The following RXRB variants were observed in gnomAD, a reference collection of about 807,000 sequenced individuals.
RXRB encodes retinoid X receptor beta.
Under a neutral mutation model 52.5 loss-of-function variants are expected in RXRB, and 18 were observed. The ratio of observed to expected loss-of-function variants is 0.34; its 90% confidence interval spans 0.24 to 0.51. RXRB has a LOEUF of 0.51. RXRB is among the 20% of genes least tolerant of loss of function. The pLI is 0.97. For synonymous variants in RXRB, 233 were observed against 267.1 expected, an observed-to-expected ratio of 0.87 and a Z score of 1.25; for missense variants, 455 against 698.2, an observed-to-expected ratio of 0.65 and a Z score of 3.92.
Position 33,195,285 on chromosome 6 carries a change from G to A in RXRB, c.1348+78C>T. 1.1e-6 allele frequency: 1 copy of A among 951,640 alleles called. No individual in the cohort carries two copies. Among genetic ancestry groups the A allele is most frequent in the Non-Finnish European group, 1.7e-6 (1 of 580,286 alleles). 58.9% of individuals were successfully genotyped at this position (951,640 alleles called of 1,614,324 possible). ...AGGGTCTTACTGAGGGGGATAGCTG[G>A]GTAACTTAGGAGTCTCGGAGAAGAG... On this transcript the variant is annotated intron_variant, in intron 8 of 9. Coordinates refer to ENST00000374680, the MANE Select transcript of RXRB (RefSeq NM_021976.5). The surrounding 1 kb of genome is among the most constrained non-coding windows in gnomAD (Gnocchi z 8.6).
At position 33,196,626 on chromosome 6, in the gene RXRB, A is replaced by G; in HGVS notation, c.821-20T>C. ...GTACCGCTGCAGGGGGAAGGGGGAG[A>G]GAAAAAATGGAAAGTCAGCAGCCAG... is the stretch of plus-strand genomic sequence containing the variant. On this transcript the variant is annotated intron_variant, in intron 4 of 9. Transcript: ENST00000374680. This position sits in a 1 kb window ranked among gnomAD's most constrained non-coding sequence, Gnocchi z 4.0. 6.4e-7 allele frequency: 1 copy of G among 1,568,416 alleles called. No homozygotes were observed.
rs1199243810 is a variant in RXRB at position 33,194,638 on chromosome 6, TGTGTGCTCCTCCA to T, written c.*31_*43del. On this transcript the variant is annotated 3_prime_UTR_variant, in exon 10 of 10. Transcript: ENST00000374680. This position sits in a 1 kb window ranked among gnomAD's most constrained non-coding sequence, Gnocchi z 4.1. ...CCCAGGGCTTGGAGTCCCTCTTGGA[TGTGTGCTCCTCCA>T]GTGTGAGAAGCACCACGTCTGGGTC... is the stretch of plus-strand genomic sequence containing the variant. 1 of 1,598,716 alleles carries T rather than the reference TGTGTGCTCCTCCA, an allele frequency of 6.3e-7. No homozygotes were observed.
In RXRB at chr6:33,196,527, A is replaced by G. The variant is rs1773910163; in HGVS notation, c.900T>C (p.Pro300=). Residue 300 remains proline, a synonymous_variant, in exon 5 of 10, where the codon CCT becomes CCC. Transcript: ENST00000374680. The surrounding 1 kb of genome is among the most constrained non-coding windows in gnomAD (Gnocchi z 4.0). The stretch of plus-strand genomic sequence containing the variant: ...GCTCTGCCTCCAGGATCCTGTCCAC[A>G]GGCATCTCCTCGGGGGCTCCCCCAG... The part of the protein sequence containing the change: ...EGAGGAPEEM[P]VDRILEAELA... 1 of 1,612,776 alleles carries G rather than the reference A, an allele frequency of 6.2e-7. No homozygotes were observed. Among genetic ancestry groups the G allele is most frequent in the Admixed American group, 1.7e-5 (1 of 60,000 alleles).
At chr6:33,200,752 C>T, upstream of RXRB, 1 of 1,543,354 alleles carries the variant, frequency 6.5e-7, no homozygotes, top group South Asian at 1.2e-5. This position sits in a 1 kb window ranked among gnomAD's most constrained non-coding sequence, Gnocchi z 6.3. Flanking sequence ...CTCGCCCACC[C>T]TCCCCTCAAA....
At chr6:33,198,501 T>A in intron 2 of RXRB, 37 bp from the exon 3 acceptor site, 1 of 1,588,288 alleles carries the variant, frequency 6.3e-7, no homozygotes, top group Non-Finnish European at 8.6e-7. Context: ...CAGGAAGACT[T>A]ATTGGGAAGC....
Position 33,197,660 on chromosome 6 carries a change from G to A in RXRB, c.820+102C>T. 9.5e-7 allele frequency: 1 copy of A among 1,055,380 alleles called. No homozygotes were observed. The highest frequency in any genetic ancestry group is 1.4e-6 in the Non-Finnish European group (1 of 720,950). The allele number at this position is 1,055,380 out of a possible 1,614,324, so 65.4% of individuals were successfully genotyped here. On this transcript the variant is annotated intron_variant, in intron 4 of 9. Coordinates refer to ENST00000374680, the MANE Select transcript of RXRB (RefSeq NM_021976.5). This position sits in a 1 kb window ranked among gnomAD's most constrained non-coding sequence, Gnocchi z 4.4. ...GAGAGAAATCAAATATCGCCCTCTAGAGGAGAGAGAGCAGTCCACCCTTCC... is the reference window on the plus strand; with the variant it reads ...GAGAGAAATCAAATATCGCCCTCTAAAGGAGAGAGAGCAGTCCACCCTTCC...
rs1275692630 is a variant in RXRB, at chr6:33,200,134, A to C, written c.235+108T>G. The C allele has an allele frequency of 8.1e-6, 12 of 1,474,798 alleles. No individual in the cohort carries two copies. Among genetic ancestry groups the C allele is most frequent in the Non-Finnish European group, 1.1e-5 (12 of 1,069,574 alleles). 91.4% of individuals were successfully genotyped at this position (1,474,798 alleles called of 1,614,324 possible). ...CGGGAGGGAGGGGACGCGTGTTTACAAACAAGGGGGCGGGAGCGCAAGGAA... is the reference window on the plus strand; with the variant it reads ...CGGGAGGGAGGGGACGCGTGTTTACCAACAAGGGGGCGGGAGCGCAAGGAA... On this transcript the variant is annotated intron_variant, in intron 1 of 9. Transcript: ENST00000374680. This position sits in a 1 kb window ranked among gnomAD's most constrained non-coding sequence, Gnocchi z 6.3.
chr6:33,200,400 T>C lies in RXRB; in HGVS notation c.77A>G (p.Lys26Arg). 4 of 1,567,854 alleles carry C rather than the reference T, an allele frequency of 2.6e-6. No individual in the cohort carries two copies. Among genetic ancestry groups the C allele is most frequent in the Non-Finnish European group, 3.5e-6 (4 of 1,158,374 alleles). Reference sequence around the variant, plus strand: ...GGACGCGACCCCACAATGCATTTCTTTTCGCACCCCCACCGGCCCACACTG... The same window carrying C: ...GGACGCGACCCCACAATGCATTTCTCTTCGCACCCCCACCGGCCCACACTG... Reference protein sequence around the residue: ...AGQCGPVGVRKEMHCGVASRW... With the variant: ...AGQCGPVGVRREMHCGVASRW... Residue 26 changes from lysine (K) to arginine (R), a missense_variant, in exon 1 of 10, where the codon AAA becomes AGA. Lys to Arg is a conservative substitution (Grantham distance 26, BLOSUM62 2). Transcript: ENST00000374680. The surrounding 1 kb of genome is among the most constrained non-coding windows in gnomAD (Gnocchi z 6.3).
chr6:33,200,821 C>T, upstream of RXRB: 2 of 1,517,254 alleles, frequency 1.3e-6, no homozygotes, highest in South Asian at 1.2e-5. This position sits in a 1 kb window ranked among gnomAD's most constrained non-coding sequence, Gnocchi z 6.3. Context: ...TACCGGAGTG[C>T]CGCCATATTG....
Position 33,195,059 on chromosome 6 carries a change from G to C in RXRB, c.1349-9C>G. On this transcript the variant is annotated splice_polypyrimidine_tract_variant and intron_variant, in intron 8 of 9. Coordinates refer to ENST00000374680, the MANE Select transcript of RXRB (RefSeq NM_021976.5). This position sits in a 1 kb window ranked among gnomAD's most constrained non-coding sequence, Gnocchi z 8.6. ...GGAGAGGCCCTTGGCATCTGGGATG[G>C]CAGGGAAGAGAGGAGGAAGAGAAAT... The C allele has an allele frequency of 6.4e-7, 1 of 1,574,388 alleles. No individual in the cohort carries two copies. The highest frequency in any genetic ancestry group is 8.7e-7 in the Non-Finnish European group (1 of 1,145,022).
intron 2 of RXRB, 119 bp downstream of exon 2, chr6:33,199,050 A>T: frequency 1.5e-6 from 1 of 664,162 alleles, no homozygotes; most frequent in Non-Finnish European, 2.2e-6. Flanking sequence ...CACAGGCCTG[A>T]CAAGGTTAGA....
Position 33,196,689 on chromosome 6 carries a change from C to A in RXRB, c.821-83G>T, listed in dbSNP as rs1773926345. Reference sequence around the variant, plus strand: ...TCCACAAATATCCTTACGGCCTCATCAGGATCTCATGGCCCTTGGGAGATA... The same window carrying A: ...TCCACAAATATCCTTACGGCCTCATAAGGATCTCATGGCCCTTGGGAGATA... On this transcript the variant is annotated intron_variant, in intron 4 of 9. Coordinates refer to ENST00000374680, the MANE Select transcript of RXRB (RefSeq NM_021976.5). This position sits in a 1 kb window ranked among gnomAD's most constrained non-coding sequence, Gnocchi z 4.0. 1.6e-6 allele frequency: 2 copies of A among 1,233,656 alleles called. No homozygotes were observed. The highest frequency in any genetic ancestry group is 1.1e-6 in the Non-Finnish European group (1 of 876,502). The allele number at this position is 1,233,656 out of a possible 1,614,324, so 76.4% of individuals were successfully genotyped here. A position where few individuals can be genotyped will look rare whatever the true frequency, so the allele number is the denominator to read the frequency against.
chr6:33,198,172 A>G (rs1479741088), intron 3 of RXRB, 136 bp downstream of exon 3: 1 of 1,310,540 alleles, frequency 7.6e-7, no homozygotes, highest in African/African-American at 1.5e-5. Flanking sequence ...CCTACATCTC[A>G]GCTTCAGCTT....
Position 33,200,298 on chromosome 6 carries a change from G to GT in RXRB, c.178dup (p.Thr60AsnfsTer104). ...AGCCTCCCCTGGCTCCGGCTCCGGG[G>GT]TTTGTTGTTCTCCGCCTGCCACCGC... On this transcript the variant is annotated frameshift_variant, in exon 1 of 10. Transcript: ENST00000374680. LOFTEE classifies it high-confidence loss of function. The surrounding 1 kb of genome is among the most constrained non-coding windows in gnomAD (Gnocchi z 6.3). 1 of 1,602,310 alleles carries GT rather than the reference G, an allele frequency of 6.2e-7. No homozygotes were observed. Among genetic ancestry groups the GT allele is most frequent in the Non-Finnish European group, 8.5e-7 (1 of 1,177,500 alleles).
chr6:33,199,270 G>C lies in RXRB; in HGVS notation c.382C>G (p.Pro128Ala), dbSNP rs371739737. The C allele has an allele frequency of 9.4e-7, 1 of 1,063,592 alleles. No individual in the cohort carries two copies. Among genetic ancestry groups the C allele is most frequent in the Admixed American group, 4.2e-5 (1 of 23,686 alleles). The allele number at this position is 1,063,592 out of a possible 1,614,324, so 65.9% of individuals were successfully genotyped here. The change falls in exon 2 of 10, where the codon CCA (proline) becomes GCA (alanine). Residue 128 changes from proline to alanine, a missense_variant. By Grantham distance (27) the Pro-to-Ala change is conservative (BLOSUM62 -1). Coordinates refer to ENST00000374680, the MANE Select transcript of RXRB (RefSeq NM_021976.5). ...ATGACTGGAAAGGGAGAGCCCAGTG[G>C]GGGTGGTGGCATCGGGGGTGGGGGT... ...APPPPPMPPP[P>A]LGSPFPVISS...
rs1386540242 is a variant in RXRB at position 33,196,044 on chromosome 6, G to C, written c.994-8C>G. ...AGTCACAGGGTCATTTGGCTGCAGG[G>C]GACGGGGGTAAGAGTTATGGAAGAT... On this transcript the variant is annotated splice_polypyrimidine_tract_variant and splice_region_variant and intron_variant, in intron 5 of 9. Transcript: ENST00000374680. This position sits in a 1 kb window ranked among gnomAD's most constrained non-coding sequence, Gnocchi z 4.0. 3.7e-6 allele frequency: 6 copies of C among 1,612,994 alleles called. No homozygotes were observed. In the Middle Eastern group the frequency reaches 6.6e-4, roughly 178 times the overall value.
At position 33,194,910 on chromosome 6, in the gene RXRB, C is replaced by A; in HGVS notation, c.1454+35G>T. ...ACATCCTCATAGCACTCCCCACCCC[C>A]AAGGGAGCCTCAGTGCCCCCCAGCC... On this transcript the variant is annotated intron_variant, in intron 9 of 9. Coordinates refer to ENST00000374680, the MANE Select transcript of RXRB (RefSeq NM_021976.5). This position sits in a 1 kb window ranked among gnomAD's most constrained non-coding sequence, Gnocchi z 4.1. 1 of 1,610,666 alleles carries A rather than the reference C, an allele frequency of 6.2e-7. No individual in the cohort carries two copies. The highest frequency in any genetic ancestry group is 8.5e-7 in the Non-Finnish European group (1 of 1,178,094).
Position 33,195,088 on chromosome 6 carries a change from G to A in RXRB, c.1349-38C>T, listed in dbSNP as rs1004639676. The stretch of plus-strand genomic sequence containing the variant: ...GGAAGAGAGGAGGAAGAGAAATGAA[G>A]ACAAACCAAATCAGGATGGCCATGC... On this transcript the variant is annotated intron_variant, in intron 8 of 9. Transcript: ENST00000374680. The surrounding 1 kb of genome is among the most constrained non-coding windows in gnomAD (Gnocchi z 8.6). The A allele has an allele frequency of 6.8e-7, 1 of 1,464,546 alleles. No homozygotes were observed. The allele number at this position is 1,464,546 out of a possible 1,614,324, so 90.7% of individuals were successfully genotyped here. A position where few individuals can be genotyped will look rare whatever the true frequency, so the allele number is the denominator to read the frequency against.
chr6:33,200,832 G>C (rs891915191), upstream of RXRB: 3 of 1,511,726 alleles, frequency 2.0e-6, no homozygotes, highest in African/African-American at 4.1e-5. The surrounding 1 kb of genome is among the most constrained non-coding windows in gnomAD (Gnocchi z 6.3). Flanking sequence ...CGCCATATTG[G>C]TAAAGGCATT....
Sources: allele counts gnomAD v4.1 joint callset, GRCh38; gene constraint gnomAD v4.1.1; non-coding constraint Gnocchi (gnomAD v3.1); transcripts MANE v1.5; gene names NCBI Gene and HGNC (gene_info 2026-07-23, HGNC 2026-07-21).